The following GLMN variants were observed in gnomAD, a reference collection of about 807,000 sequenced individuals.
GLMN encodes the protein glomulin, FKBP associated protein, also known as glomulin.
In GLMN, 75 loss-of-function variants were observed where a neutral mutation model predicts 87.8. The ratio of observed to expected loss-of-function variants is 0.85; its 90% CI spans 0.71 to 1.04. GLMN has a LOEUF of 1.04. GLMN is among the 50% of genes least tolerant of loss of function. GLMN has a pLI of 0.00. For synonymous variants in GLMN, 206 were observed against 221.6 expected (o/e 0.93, Z 0.63); for missense variants, 588 against 658.8 (o/e 0.89, Z 1.18).
At chr1:92,368,213 T>C in the GLMN span, among the ~76,000 whole-genome samples, 5 of 152,110 alleles carry the variant, frequency 3.3e-5, no homozygotes, top group African/African-American at 1.2e-4. Flanking sequence ...ACCCCATCTC[T>C]AATAAAAATA....
rs760270566 is a variant in GLMN, at chr1:92,266,583, A to T, written c.1141-91T>A. 6.9e-6 allele frequency: 7 copies of T among 1,017,054 alleles called. No individual in the cohort carries two copies. In the East Asian group the frequency reaches 1.8e-4, roughly 26 times the overall value. The allele number at this position is 1,017,054 out of a possible 1,614,324, so 63.0% of individuals were successfully genotyped here. On this transcript the variant is annotated intron_variant, in intron 12 of 18. Coordinates refer to ENST00000370360, the MANE Select transcript of GLMN (RefSeq NM_053274.3). The stretch of plus-strand genomic sequence containing the variant: ...CATTTTATGCATGTAATACATCCAC[A>T]CTTGTACCTCCTAAATAAAAATTTC...
At chr1:92,305,780 A>G in the GLMN span, among the ~76,000 whole-genome samples, 232 of 152,300 alleles carry the variant, frequency 1.5e-3, no homozygotes, top group African/African-American at 5.3e-3. Context: ...AAACACACTG[A>G]GTTTTGTTTT....
chr1:92,302,497 C>A (rs897318266), upstream of GLMN, among the ~76,000 whole-genome samples: 4 of 149,136 alleles, frequency 2.7e-5, no homozygotes, highest in African/African-American at 9.8e-5. Flanking sequence ...TTATTTTTGT[C>A]AATGTAATTT....
the GLMN span, among the ~76,000 whole-genome samples, chr1:92,345,379 T>TAAA: frequency 5.4e-5 from 4 of 73,752 alleles, no homozygotes; most frequent in Non-Finnish European, 7.7e-5. Flanking sequence ...CCCGTTTCTT[T>TAAA]AAAAAAAAAA....
the GLMN span, among the ~76,000 whole-genome samples, chr1:92,336,672 G>A: frequency 1.3e-5 from 2 of 152,084 alleles, no homozygotes; most frequent in Non-Finnish European, 2.9e-5. Flanking sequence ...CTAAAATTGA[G>A]AAGGAAAATT....
At chr1:92,294,225 A>G (rs986903917) in intron 3 of GLMN, among the ~76,000 whole-genome samples, 1 of 152,152 alleles carries the variant, frequency 6.6e-6, no homozygotes, top group Non-Finnish European at 1.5e-5. Flanking sequence ...ATCAATATAT[A>G]TGCCTTCTAT....
At chr1:92,283,019 C>G (rs1278111587) in intron 7 of GLMN, among the ~76,000 whole-genome samples, 1 of 152,066 alleles carries the variant, frequency 6.6e-6, no homozygotes, top group Admixed American at 6.6e-5. Flanking sequence ...GAGGACCAGA[C>G]AGATTCACAG....
the GLMN span, among the ~76,000 whole-genome samples, chr1:92,370,114 G>A: frequency 2.6e-5 from 4 of 152,106 alleles, no homozygotes; most frequent in Admixed American, 6.5e-5. Context: ...TGAACTCCTG[G>A]CCAAAAGTGA....
At chr1:92,363,070 A>T in the GLMN span, among the ~76,000 whole-genome samples, 2 of 152,162 alleles carry the variant, frequency 1.3e-5, no homozygotes, top group Admixed American at 6.5e-5. Flanking sequence ...TCCAGGGGGA[A>T]AAAAATGCAC....
At chr1:92,246,674 T>TTA (rs780097010) in intron 18 of GLMN, 28 bp from the exon 19 acceptor site, 1 of 1,113,940 alleles carries the variant, frequency 9.0e-7, no homozygotes, top group Non-Finnish European at 1.4e-6. Context: ...AGTAATGTTA[T>TTA]TAATGCTGCC....
chr1:92,300,175 G>A, upstream of GLMN: 1 of 1,581,724 alleles, frequency 6.3e-7, no homozygotes, highest in African/African-American at 1.4e-5. Flanking sequence ...TGTAGCACAT[G>A]ACTGTATTTT....
chr1:92,252,248 A>G (rs1270762318), intron 16 of GLMN, among the ~76,000 whole-genome samples: 1 of 152,200 alleles, frequency 6.6e-6, no homozygotes, highest in African/African-American at 2.4e-5. Context: ...ATAATCACAT[A>G]TTAATAAAGA....
At chr1:92,297,632 T>A in intron 2 of GLMN, 103 bp from the exon 3 acceptor site, 1 of 1,031,458 alleles carries the variant, frequency 9.7e-7, no homozygotes, top group Admixed American at 2.2e-5. Flanking sequence ...AAAGGAAATC[T>A]GTTTAAATTC....
chr1:92,280,192 G>A (rs1570936547), intron 7 of GLMN, among the ~76,000 whole-genome samples: 1 of 152,312 alleles, frequency 6.6e-6, no homozygotes, highest in South Asian at 2.1e-4. Context: ...AGCGTGATTG[G>A]GAAACACCTG....
At chr1:92,360,293 G>A in the GLMN span, among the ~76,000 whole-genome samples, 7,346 of 152,236 alleles carry the variant, frequency 0.048, 609 homozygotes, top group African/African-American at 0.17. Flanking sequence ...TGGCAATTAG[G>A]TGGTGTGGGT....
At chr1:92,303,120 C>A (rs563279890), upstream of GLMN, among the ~76,000 whole-genome samples, 43 of 152,094 alleles carry the variant, frequency 2.8e-4, no homozygotes, top group African/African-American at 9.2e-4. Flanking sequence ...TTTTGTAATC[C>A]TTAAGAGGGC....
Position 92,297,393 on chromosome 1 carries a change from A to AT in GLMN, c.165+10dup. On this transcript the variant is annotated intron_variant, in intron 3 of 18. Transcript: ENST00000370360. ...CCAAGACTGAAAAGTAAACACCAAG[A>AT]TTGTACGCACCTTATTCTTTTCATT... 6.2e-7 allele frequency: 1 copy of AT among 1,610,354 alleles called. No homozygotes were observed. Among genetic ancestry groups the AT allele is most frequent in the Non-Finnish European group, 8.5e-7 (1 of 1,177,730 alleles).
the GLMN span, chr1:92,324,200 A>C: frequency 1.2e-6 from 2 of 1,614,162 alleles, no homozygotes; most frequent in East Asian, 4.5e-5. Context: ...AGGGAATCTC[A>C]GAACAGCTTG....
At chr1:92,335,928 T>A in the GLMN span, among the ~76,000 whole-genome samples, 1 of 152,200 alleles carries the variant, frequency 6.6e-6, no homozygotes, top group Non-Finnish European at 1.5e-5. Flanking sequence ...TAATATATAT[T>A]GTCAAATTGC....
Sources: gnomAD v4.1 joint callset for allele counts (sites outside exome capture counted in the v4.1 genomes callset) on GRCh38, gnomAD v4.1.1 for gene constraint, MANE v1.5 for transcripts, NCBI Gene and HGNC (gene_info 2026-07-23, HGNC 2026-07-21) for gene names.